The following VPS54 variants were observed in gnomAD, a reference collection of about 807,000 sequenced individuals.
The protein encoded by VPS54 is VPS54 subunit of GARP complex.
A neutral mutation model predicts 121.5 loss-of-function variants in VPS54; 45 were observed. The ratio of observed to expected loss-of-function variants is 0.37; its 90% CI spans 0.29 to 0.47. VPS54 has a LOEUF of 0.47. Ranked by LOEUF, VPS54 falls within the 20% of genes least tolerant of loss-of-function variation. The probability of loss-of-function intolerance (pLI) is 0.99; values close to 1 mark genes in which losing one functional copy is unlikely to be tolerated. For missense variants in VPS54, 1,090 were observed against 1,131.4 expected (o/e 0.96, Z 0.52); for synonymous variants, 371 against 385.8 (o/e 0.96, Z 0.45).
At chr2:63,919,752 G>T in intron 15 of VPS54, 131 bp downstream of exon 15, 1 of 573,534 alleles carries the variant, frequency 1.7e-6, no homozygotes, top group Non-Finnish European at 2.9e-6. Flanking sequence ...TTCCTGTCAA[G>T]TATTTACTAA....
chr2:63,968,922 T>C (rs1354334550), intron 5 of VPS54, 35 bp downstream of exon 5: 1 of 1,574,818 alleles, frequency 6.3e-7, no homozygotes, highest in East Asian at 2.3e-5. Context: ...GATCAAATAT[T>C]ATAAGGCAAT....
intron 12 of VPS54, 56 bp downstream of exon 12, chr2:63,933,617 T>A: frequency 1.4e-6 from 2 of 1,459,474 alleles, no homozygotes; most frequent in East Asian, 2.3e-5. Context: ...TCTTACTGAA[T>A]CCATTAATAA....
intron 1 of VPS54, among the ~76,000 whole-genome samples, chr2:63,988,784 T>C (rs1010184274): frequency 2.0e-5 from 3 of 152,008 alleles, no homozygotes; most frequent in Non-Finnish European, 4.4e-5. Context: ...GTTTGAACAA[T>C]ATGAAATCTG....
intron 11 of VPS54, among the ~76,000 whole-genome samples, chr2:63,935,102 T>C (rs1387838437): frequency 3.3e-5 from 5 of 152,148 alleles, no homozygotes; most frequent in African/African-American, 1.2e-4. Context: ...GTAAGGTACA[T>C]AGAAGAGAGA....
intron 11 of VPS54, among the ~76,000 whole-genome samples, chr2:63,940,845 G>A (rs148729761): frequency 3.9e-5 from 6 of 152,282 alleles, no homozygotes; most frequent in African/African-American, 9.6e-5. Context: ...AATATAAGAA[G>A]TGAAAACATG....
chr2:63,919,808 A>G, intron 15 of VPS54, 75 bp downstream of exon 15: 1 of 1,087,670 alleles, frequency 9.2e-7, no homozygotes, highest in Non-Finnish European at 1.3e-6. Context: ...TGTCAACTAA[A>G]GAAATATTAA....
chr2:63,978,079 G>C (rs986219811), intron 3 of VPS54, among the ~76,000 whole-genome samples: 1 of 152,202 alleles, frequency 6.6e-6, no homozygotes, highest in African/African-American at 2.4e-5. Context: ...CTTATGATTA[G>C]GTTTCAGTCT....
chr2:63,998,749 T>C (rs1424980738), intron 1 of VPS54, among the ~76,000 whole-genome samples: 1 of 152,206 alleles, frequency 6.6e-6, no homozygotes. Context: ...TATATTTTAC[T>C]ATCCTTATGT....
At chr2:63,973,407 T>A (rs552610007) in intron 3 of VPS54, among the ~76,000 whole-genome samples, 1 of 152,230 alleles carries the variant, frequency 6.6e-6, no homozygotes, top group Non-Finnish European at 1.5e-5. Flanking sequence ...TAAAATTATT[T>A]GCTATGTTGA....
At chr2:63,985,729 A>C (rs147192394) in intron 1 of VPS54, among the ~76,000 whole-genome samples, 6 of 151,208 alleles carry the variant, frequency 4.0e-5, no homozygotes, top group Non-Finnish European at 7.4e-5. Flanking sequence ...AGTATAGTTA[A>C]ATTGTAGTTG....
At chr2:63,904,266 G>T (rs6759483) in intron 20 of VPS54, among the ~76,000 whole-genome samples, 27 of 151,204 alleles carry the variant, frequency 1.8e-4, no homozygotes, top group Admixed American at 1.8e-3. Flanking sequence ...TGGTGAAACC[G>T]CACATCTACT....
chr2:63,959,829 T>G (rs1375171135), intron 7 of VPS54, among the ~76,000 whole-genome samples: 1 of 152,088 alleles, frequency 6.6e-6, no homozygotes, highest in Non-Finnish European at 1.5e-5. Flanking sequence ...GAGACCAGCC[T>G]GGCCAATATG....
intron 7 of VPS54, among the ~76,000 whole-genome samples, chr2:63,957,825 A>G (rs1000858858): frequency 6.6e-6 from 1 of 152,214 alleles, no homozygotes; most frequent in African/African-American, 2.4e-5. Context: ...CTTCTCAATT[A>G]TGGTGCACAT....
At chr2:63,996,190 C>G (rs577018543) in intron 1 of VPS54, among the ~76,000 whole-genome samples, 1 of 152,162 alleles carries the variant, frequency 6.6e-6, no homozygotes, top group Non-Finnish European at 1.5e-5. Context: ...GGCAGAAGAA[C>G]ATAAATTGTG....
At chr2:63,958,313 A>C (rs1413002434) in intron 7 of VPS54, among the ~76,000 whole-genome samples, 3 of 152,176 alleles carry the variant, frequency 2.0e-5, no homozygotes, top group Non-Finnish European at 4.4e-5. Context: ...AAAAATACAG[A>C]AGGAATGAGA....
intron 9 of VPS54, among the ~76,000 whole-genome samples, chr2:63,946,269 A>G (rs548300360): frequency 6.6e-6 from 1 of 152,218 alleles, no homozygotes; most frequent in Admixed American, 6.5e-5. Context: ...TCAAAATTCT[A>G]TTTATCCTTT....
At chr2:63,992,316 G>A (rs979144704) in intron 1 of VPS54, among the ~76,000 whole-genome samples, 2 of 152,218 alleles carry the variant, frequency 1.3e-5, no homozygotes, top group African/African-American at 4.8e-5. Context: ...GGGTTTAGTA[G>A]ATACTGGGGC....
intron 2 of VPS54, among the ~76,000 whole-genome samples, chr2:63,983,501 G>A (rs1490020018): frequency 6.9e-6 from 1 of 144,800 alleles, no homozygotes; most frequent in Non-Finnish European, 1.5e-5. Flanking sequence ...GGAGTGCAGT[G>A]GCCCGATCTC....
In VPS54 at chr2:63,933,977, C is replaced by G; in HGVS notation, c.1435G>C (p.Val479Leu). 6.2e-7 allele frequency: 1 copy of G among 1,613,426 alleles called. No individual in the cohort carries two copies. The highest frequency in any genetic ancestry group is 8.5e-7 in the Non-Finnish European group (1 of 1,179,672). Residue 479 changes from valine (V) to leucine (L), a missense_variant, in exon 12 of 23, where the codon GTT becomes CTT. Coordinates refer to ENST00000272322, the MANE Select transcript of VPS54 (RefSeq NM_016516.3). ...LNIIHSVVLS[V>L]LDKNQRTREL... Reference sequence around the variant, plus strand: ...CTAGTCCTTTGGTTTTTGTCAAGAACTGAGAGAACAACACTGTGAATGATA... The same window carrying G: ...CTAGTCCTTTGGTTTTTGTCAAGAAGTGAGAGAACAACACTGTGAATGATA...
Sources: allele counts gnomAD v4.1 joint callset (sites outside exome capture counted in the v4.1 genomes callset), GRCh38; gene constraint gnomAD v4.1.1; transcripts MANE v1.5; gene names NCBI Gene and HGNC (gene_info 2026-07-23, HGNC 2026-07-21).